Variants in LMCD1 observed in about 807,000 individuals in gnomAD.
The protein encoded by LMCD1 is LIM and cysteine rich domains 1.
LMCD1 carries 32 observed loss-of-function variants against 42.7 expected under a neutral mutation model. The ratio of observed to expected loss-of-function variants is 0.75; its 90% CI spans 0.57 to 1.01. The LOEUF is 1.01. Among genes scored for constraint, LMCD1 ranks in the 50% least tolerant of loss-of-function variants. LMCD1 has a pLI of 0.00. For missense variants in LMCD1, 458 were observed against 483.1 expected, an observed-to-expected ratio of 0.95 and a Z score of 0.49; for synonymous variants, 178 against 184.9, an observed-to-expected ratio of 0.96 and a Z score of 0.30.
intron 1 of LMCD1, 91 bp downstream of exon 1, chr3:8,502,071 A>C (rs2324625): frequency 0.45 from 536,710 of 1,191,880 alleles, 127,834 homozygotes; most frequent in Non-Finnish European, 0.5. Context: ...AAAGGTAATG[A>C]GAAGGGAACT....
rs768375620 is a variant in LMCD1 at position 8,548,753 on chromosome 3, C to T, written c.573C>T (p.Ser191=). ...AAGAATTTGTCAAGCAATATAAGAG[C>T]GAGGCCCTCGGCGTGGGAGAAGTGG... is the stretch of plus-strand genomic sequence containing the variant. ...LMEEFVKQYK[S]EALGVGEVAL... is the part of the protein sequence containing the mutation. Residue 191 remains serine (S), a synonymous_variant, in exon 4 of 6, where the codon AGC becomes AGT. Transcript: ENST00000157600. 4.3e-5 allele frequency: 70 copies of T among 1,613,578 alleles called. No homozygotes were observed. Among genetic ancestry groups the T allele is most frequent in the Non-Finnish European group, 5.4e-5 (64 of 1,179,680 alleles).
In LMCD1 at chr3:8,567,826, T is replaced by C; in HGVS notation, c.*228T>C. 1 of 344,004 alleles carries C rather than the reference T, an allele frequency of 2.9e-6. No individual in the cohort carries two copies. The highest frequency in any genetic ancestry group is 4.7e-5 in the East Asian group (1 of 21,356). 21.3% of individuals were successfully genotyped at this position (344,004 alleles called of 1,614,324 possible). On this transcript the variant is annotated 3_prime_UTR_variant, in exon 6 of 6. Coordinates refer to ENST00000157600, the MANE Select transcript of LMCD1 (RefSeq NM_014583.4). ...TCAAAACCAAAAATATTCTAAGAAG[T>C]CTTAGGATGGAGTTCCTTTTCTTTC...
intron 3 of LMCD1, among the ~76,000 whole-genome samples, chr3:8,537,695 C>G (rs1330062881): frequency 3.9e-5 from 6 of 152,140 alleles, no homozygotes; most frequent in Non-Finnish European, 8.8e-5. Flanking sequence ...AGCTCTAGTA[C>G]AGGGGCATTT....
rs562077323 is a variant in LMCD1, at chr3:8,548,997, A to C, written c.723+94A>C. On this transcript the variant is annotated intron_variant, in intron 4 of 5. Transcript: ENST00000157600. ...ATCACGGGGCTTTGTTCCCTCATTC[A>C]TGCATTTATTCATGAATTTGTGCAT... 71 of 902,130 alleles carry C rather than the reference A, an allele frequency of 7.9e-5. No homozygotes were observed. The African/African-American group carries it at 1.1e-3, about 13-fold the overall frequency. The allele number at this position is 902,130 out of a possible 1,614,324, so 55.9% of individuals were successfully genotyped here.
Position 8,564,214 on chromosome 3 carries a change from T to A in LMCD1, c.724-1218T>A, listed in dbSNP as rs186259483. On this transcript the variant is annotated intron_variant, in intron 4 of 5. Coordinates refer to ENST00000157600, the MANE Select transcript of LMCD1 (RefSeq NM_014583.4). ...AAACTGAGTGTGGAATATATAGAAA[T>A]TCTCTGTGCTGTTTTTGCAATTTTT... 4.3e-3 allele frequency among the ~76,000 whole-genome samples: 658 copies of A among 152,220 alleles called. 4 individuals carry two copies. Among genetic ancestry groups the A allele is most frequent in the Non-Finnish European group, 7.2e-3 (492 of 68,018 alleles).
chr3:8,549,229 C>G (rs957998899), intron 4 of LMCD1, among the ~76,000 whole-genome samples: 5 of 152,170 alleles, frequency 3.3e-5, no homozygotes, highest in African/African-American at 1.2e-4. Flanking sequence ...CGAAGAATGT[C>G]TAGGGGTCAT....
intron 3 of LMCD1, among the ~76,000 whole-genome samples, chr3:8,547,567 A>C (rs1694759742): frequency 6.6e-6 from 1 of 152,196 alleles, no homozygotes; most frequent in African/African-American, 2.4e-5. Context: ...ATGTGTCCTC[A>C]GGTGATGTTG....
chr3:8,526,551 A>G (rs1344725664), intron 1 of LMCD1, among the ~76,000 whole-genome samples: 1 of 152,222 alleles, frequency 6.6e-6, no homozygotes, highest in Admixed American at 6.5e-5. Flanking sequence ...ACAATGTATC[A>G]GTGGTCTCAA....
At chr3:8,523,655 A>G (rs917667124) in intron 1 of LMCD1, among the ~76,000 whole-genome samples, 4 of 152,282 alleles carry the variant, frequency 2.6e-5, no homozygotes, top group African/African-American at 9.6e-5. Context: ...AACATGGAGC[A>G]GCGGTTCTGC....
At chr3:8,502,278 A>AAATATATAATATATATTATATAT (rs1693740845) in intron 1 of LMCD1, among the ~76,000 whole-genome samples, 1 of 42,682 alleles carries the variant, frequency 2.3e-5, no homozygotes, top group African/African-American at 8.9e-5. Context: ...TATATATATA[A>AAATATATAATATATATTATATAT]AATATATATA....
chr3:8,554,834 A>T (rs954600793), intron 4 of LMCD1, among the ~76,000 whole-genome samples: 1 of 152,148 alleles, frequency 6.6e-6, no homozygotes, highest in Non-Finnish European at 1.5e-5. Flanking sequence ...TTGCCCAGGA[A>T]TTTCCGCCTT....
chr3:8,513,994 G>A (rs897557132), intron 1 of LMCD1, among the ~76,000 whole-genome samples: 1 of 152,128 alleles, frequency 6.6e-6, no homozygotes, highest in Non-Finnish European at 1.5e-5. Flanking sequence ...AAGTCTCCCT[G>A]AAGGTGGGAA....
chr3:8,537,633 C>A, intron 3 of LMCD1, 193 bp downstream of exon 3: 1 of 576,988 alleles, frequency 1.7e-6, no homozygotes. Context: ...CCTCGGTTTT[C>A]CTTATCCATG....
chr3:8,546,058 G>A (rs1219024117), intron 3 of LMCD1, among the ~76,000 whole-genome samples: 2 of 152,136 alleles, frequency 1.3e-5, no homozygotes, highest in African/African-American at 2.4e-5. Flanking sequence ...GCTTGAAGCT[G>A]GGAGGCAGAG....
At chr3:8,519,155 A>G (rs1290136349) in intron 1 of LMCD1, among the ~76,000 whole-genome samples, 1 of 152,220 alleles carries the variant, frequency 6.6e-6, no homozygotes, top group Non-Finnish European at 1.5e-5. Flanking sequence ...AGCAGGAAAC[A>G]ATGACATTGA....
chr3:8,523,709 T>C (rs926343827), intron 1 of LMCD1, among the ~76,000 whole-genome samples: 4 of 152,230 alleles, frequency 2.6e-5, no homozygotes, highest in African/African-American at 4.8e-5. Context: ...TGTTTTACAT[T>C]ACAACAGGAA....
chr3:8,511,973 AAGGT>A (rs1484709989), intron 1 of LMCD1, among the ~76,000 whole-genome samples: 1 of 152,172 alleles, frequency 6.6e-6, no homozygotes, highest in East Asian at 1.9e-4. Context: ...GCAGGAAAAA[AAGGT>A]AGCCAAAAAT....
At chr3:8,565,387 T>A (rs574002386) in intron 4 of LMCD1, 45 bp from the exon 5 acceptor site, 1 of 1,544,004 alleles carries the variant, frequency 6.5e-7, no homozygotes. Flanking sequence ...GTCACTGTGC[T>A]CTCCTGACTT....
At chr3:8,507,413 G>C (rs1433090983) in intron 1 of LMCD1, among the ~76,000 whole-genome samples, 1 of 152,156 alleles carries the variant, frequency 6.6e-6, no homozygotes, top group African/African-American at 2.4e-5. Flanking sequence ...GTAGTGCTTT[G>C]TGAAACTCCC....
Sources: gnomAD v4.1 joint callset for allele counts (sites outside exome capture counted in the v4.1 genomes callset) on GRCh38, gnomAD v4.1.1 for gene constraint, MANE v1.5 for transcripts, NCBI Gene and HGNC (gene_info 2026-07-23, HGNC 2026-07-21) for gene names.